Variants in ARHGAP39 observed in about 807,000 individuals in gnomAD.
The protein encoded by ARHGAP39 is rho GTPase-activating protein 39.
In ARHGAP39, 44 loss-of-function variants were observed where a neutral mutation model predicts 106.9. That is an observed-to-expected ratio of 0.41 (90% CI 0.32 to 0.53). ARHGAP39 has a LOEUF of 0.53. Among genes scored for constraint, ARHGAP39 ranks in the 20% least tolerant of loss-of-function variants. The pLI is 0.21. For missense variants in ARHGAP39, 1,496 were observed against 1,577.3 expected, an observed-to-expected ratio of 0.95 and a Z score of 0.87; for synonymous variants, 768 against 693.2, an observed-to-expected ratio of 1.11 and a Z score of -1.69.
chr8:144,684,341 G>C lies in ARHGAP39; in HGVS notation c.-82+1345C>G, dbSNP rs1563737640. 1.3e-5 allele frequency among the ~76,000 whole-genome samples: 2 copies of C among 152,228 alleles called. No homozygotes were observed. The highest frequency in any genetic ancestry group is 6.5e-5 in the Admixed American group (1 of 15,284). ...AATCGCACCTTGCTCCTTGTGGATC[G>C]GGCGCCGCCGACGGAACCACCTGCT... is the stretch of plus-strand genomic sequence containing the variant. On this transcript the variant is annotated intron_variant, in intron 1 of 11. Transcript: ENST00000377307. This position sits in a 1 kb window ranked among gnomAD's most constrained non-coding sequence, Gnocchi z 4.4.
At chr8:144,535,644 C>T (rs1387788796) in intron 7 of ARHGAP39, among the ~76,000 whole-genome samples, 1 of 152,224 alleles carries the variant, frequency 6.6e-6, no homozygotes, top group African/African-American at 2.4e-5. Flanking sequence ...GGCTGGGCCT[C>T]CTGCTTGCTG....
chr8:144,530,698 G>C lies in ARHGAP39; in HGVS notation c.3150+4C>G. ...GCAGCGGGGACCCCCGGGGAGGGAA[G>C]TACCTGCAGGAAGCGGATGAGGTAG... is the stretch of plus-strand genomic sequence containing the variant. On this transcript the variant is annotated splice_donor_region_variant and intron_variant, in intron 11 of 11. Coordinates refer to ENST00000377307, the MANE Select transcript of ARHGAP39 (RefSeq NM_025251.3). 1 of 1,593,058 alleles carries C rather than the reference G, an allele frequency of 6.3e-7. No individual in the cohort carries two copies. Among genetic ancestry groups the C allele is most frequent in the East Asian group, 2.3e-5 (1 of 43,822 alleles).
intron 1 of ARHGAP39, among the ~76,000 whole-genome samples, chr8:144,632,103 G>A (rs942866528): frequency 1.3e-5 from 2 of 152,216 alleles, no homozygotes; most frequent in African/African-American, 2.4e-5. Context: ...GACCTCCAAA[G>A]TGCTGATTCT....
chr8:144,579,754 T>C (rs1238509060), intron 3 of ARHGAP39, among the ~76,000 whole-genome samples: 1 of 152,064 alleles, frequency 6.6e-6, no homozygotes, highest in Non-Finnish European at 1.5e-5. Flanking sequence ...TCCAACACGC[T>C]CCTTCCCACC....
At position 144,545,266 on chromosome 8, in the gene ARHGAP39, G is replaced by T; in HGVS notation, c.2504C>A (p.Pro835His). The T allele has an allele frequency of 1.9e-6, 3 of 1,548,480 alleles. No homozygotes were observed. The highest frequency in any genetic ancestry group is 2.6e-6 in the Non-Finnish European group (3 of 1,140,590). The change falls in exon 6 of 12, where the codon CCC becomes CAC. Residue 835 changes from proline to histidine, a missense_variant. Physicochemically the swap from Pro to His is moderately conservative, Grantham distance 77. This residue lies in a region of ARHGAP39 where 470 missense variants were observed against 605.1 expected (regional missense o/e 0.78). Coordinates refer to ENST00000377307, the MANE Select transcript of ARHGAP39 (RefSeq NM_025251.3). ...LEGYIYRHMD[P>H]VNDTKVTQHI... ...GGCCTTACCTTTAGTGTCATTGACG[G>T]GGTCCATGTGCCGGTAGATGTAGCC...
rs1220951553 is a variant in ARHGAP39 at position 144,604,320 on chromosome 8, C to G, written c.80+1215G>C. 6.6e-6 allele frequency among the ~76,000 whole-genome samples: 1 copy of G among 152,186 alleles called. No homozygotes were observed. Among genetic ancestry groups the G allele is most frequent in the Non-Finnish European group, 1.5e-5 (1 of 68,030 alleles). ...CGGGGCCCGGGAGGACCCAACACCA[C>G]CTGTATGGCATTCTCCTGAAAAACT... On this transcript the variant is annotated intron_variant, in intron 2 of 11. Coordinates refer to ENST00000377307, the MANE Select transcript of ARHGAP39 (RefSeq NM_025251.3). The surrounding 1 kb of genome is among the most constrained non-coding windows in gnomAD (Gnocchi z 4.1).
rs115553796 is a variant in ARHGAP39 at position 144,582,603 on chromosome 8, G to A, written c.81-1326C>T. ...TTGGATGCCACAGGCAGAAGGCACC[G>A]AGGGACAGTCCACGTGGGGCCATGA... On this transcript the variant is annotated intron_variant, in intron 2 of 11. Coordinates refer to ENST00000377307, the MANE Select transcript of ARHGAP39 (RefSeq NM_025251.3). 3.6e-3 allele frequency among the ~76,000 whole-genome samples: 550 copies of A among 152,360 alleles called. 3 individuals are homozygous for A. The highest frequency in any genetic ancestry group is 0.013 in the African/African-American group (527 of 41,582).
At chr8:144,614,428 C>T (rs1054135863) in intron 1 of ARHGAP39, among the ~76,000 whole-genome samples, 1 of 151,758 alleles carries the variant, frequency 6.6e-6, no homozygotes, top group African/African-American at 2.4e-5. Flanking sequence ...TCCCGGTTCA[C>T]TGCAACCTCC....
chr8:144,621,499 T>TG (rs1011316053), intron 1 of ARHGAP39, among the ~76,000 whole-genome samples: 11 of 152,016 alleles, frequency 7.2e-5, no homozygotes, highest in African/African-American at 1.9e-4. Context: ...CGGGAAGGGC[T>TG]GGGGGGCAGG....
At chr8:144,576,365 A>T (rs886650311) in intron 3 of ARHGAP39, among the ~76,000 whole-genome samples, 5 of 151,726 alleles carry the variant, frequency 3.3e-5, no homozygotes. Context: ...AAAGAACGAA[A>T]AAAAACCTCC....
intron 3 of ARHGAP39, among the ~76,000 whole-genome samples, chr8:144,562,785 CACTCCAGTGGTTTCCATCGG>C (rs1167294322): frequency 7.7e-5 from 11 of 141,982 alleles, no homozygotes; most frequent in Admixed American, 2.8e-4. Context: ...CCATCGGACT[CACTCCAGTGGTTTCCATCGG>C]ACTCCAGTGG....
chr8:144,590,265 T>A (rs571259640), intron 2 of ARHGAP39, among the ~76,000 whole-genome samples: 4 of 152,164 alleles, frequency 2.6e-5, no homozygotes, highest in Non-Finnish European at 5.9e-5. Flanking sequence ...CACTGACAGG[T>A]CACTTGTGTT....
At chr8:144,559,287 A>C (rs1564847307) in intron 3 of ARHGAP39, among the ~76,000 whole-genome samples, 1 of 144,032 alleles carries the variant, frequency 6.9e-6, no homozygotes, top group Non-Finnish European at 1.5e-5. Flanking sequence ...AATTGTTTGA[A>C]CCTGGGAGGT....
chr8:144,607,977 C>T (rs940267627), intron 1 of ARHGAP39, among the ~76,000 whole-genome samples: 3 of 151,812 alleles, frequency 2.0e-5, no homozygotes, highest in Non-Finnish European at 2.9e-5. Flanking sequence ...GCCAACACAG[C>T]GAAACCCCAT....
At position 144,547,522 on chromosome 8, in the gene ARHGAP39, G is replaced by T; in HGVS notation, c.1564C>A (p.Leu522Met). The change falls in exon 5 of 12, where the codon CTG becomes ATG. Residue 522 changes from leucine (L) to methionine (M), a missense_variant. This residue lies in a region of ARHGAP39 where 905 missense variants were observed against 816.4 expected (regional missense o/e 1.11). Coordinates refer to ENST00000377307, the MANE Select transcript of ARHGAP39 (RefSeq NM_025251.3). The surrounding 1 kb of genome is among the most constrained non-coding windows in gnomAD (Gnocchi z 5.2). ...CCGCACGGGGGCTGTTCCTCGGCCAGGGGCTGCTCCACAAGCAGGTCCCCG... is the reference window on the plus strand; with the variant it reads ...CCGCACGGGGGCTGTTCCTCGGCCATGGGCTGCTCCACAAGCAGGTCCCCG... Reference protein sequence around the residue: ...GPGDLLVEQPLAEEQPPCGTS... With the variant: ...GPGDLLVEQPMAEEQPPCGTS... The T allele has an allele frequency of 6.7e-7, 1 of 1,485,948 alleles. No individual in the cohort carries two copies. The allele number at this position is 1,485,948 out of a possible 1,614,324, so 92.0% of individuals were successfully genotyped here.
At chr8:144,681,500 G>C (rs1822417106) in intron 1 of ARHGAP39, among the ~76,000 whole-genome samples, 1 of 152,194 alleles carries the variant, frequency 6.6e-6, no homozygotes, top group South Asian at 2.1e-4. Flanking sequence ...CACAGCAGAG[G>C]GGCTTTGCTA....
chr8:144,632,518 G>C (rs1036081326), intron 1 of ARHGAP39, among the ~76,000 whole-genome samples: 1 of 152,244 alleles, frequency 6.6e-6, no homozygotes, highest in Non-Finnish European at 1.5e-5. Flanking sequence ...CGAATCGAGG[G>C]GTACAGTGGG....
chr8:144,539,565 A>G (rs1817107896), intron 6 of ARHGAP39, among the ~76,000 whole-genome samples: 1 of 152,224 alleles, frequency 6.6e-6, no homozygotes. Flanking sequence ...CGAGTGATCC[A>G]TTTGCAGTTA....
intron 1 of ARHGAP39, among the ~76,000 whole-genome samples, chr8:144,628,106 T>C (rs1447744552): frequency 6.6e-6 from 1 of 152,162 alleles, no homozygotes; most frequent in African/African-American, 2.4e-5. Context: ...TCACTCAGGG[T>C]ATTTTGACAC....
Sources: allele counts gnomAD v4.1 joint callset (sites outside exome capture counted in the v4.1 genomes callset), GRCh38; gene constraint gnomAD v4.1.1; regional missense constraint gnomAD v4.1.1; non-coding constraint Gnocchi (gnomAD v3.1); transcripts MANE v1.5; gene names NCBI Gene and HGNC (gene_info 2026-07-23, HGNC 2026-07-21).